The following DMXL2 variants were observed in gnomAD, a reference collection of about 807,000 sequenced individuals.
DMXL2 encodes the protein dmX-like protein 2.
DMXL2 carries 103 observed loss-of-function variants against 331.1 expected under a neutral mutation model. The ratio of observed to expected loss-of-function variants is 0.31; its 90% CI spans 0.27 to 0.37. DMXL2 has a LOEUF of 0.37. Ranked by LOEUF, DMXL2 falls within the 10% of genes least tolerant of loss-of-function variation. The pLI is 1.00. For synonymous variants in DMXL2, 1,281 were observed against 1,252.1 expected (o/e 1.02, Z -0.49); for missense variants, 3,171 against 3,642.9 (o/e 0.87, Z 3.33).
chr15:51,490,802 C>T (rs1411872316), intron 20 of DMXL2, among the ~76,000 whole-genome samples: 2 of 152,128 alleles, frequency 1.3e-5, no homozygotes, highest in Admixed American at 6.5e-5. Context: ...ATTTCACTTG[C>T]TGCCACAGAT....
chr15:51,503,037 T>C lies in DMXL2; in HGVS notation c.2765-4A>G. 6.3e-7 allele frequency: 1 copy of C among 1,575,078 alleles called. No individual in the cohort carries two copies. Among genetic ancestry groups the C allele is most frequent in the Non-Finnish European group, 8.7e-7 (1 of 1,153,790 alleles). On this transcript the variant is annotated splice_polypyrimidine_tract_variant and splice_region_variant and intron_variant, in intron 16 of 43. Coordinates refer to ENST00000560891, the MANE Select transcript of DMXL2 (RefSeq NM_001378457.1). ...GAAGCCCCTTCTGAAGCTTTAGCTT[T>C]AAAAATAAATTATAAAATTACAAAA...
At chr15:51,587,348 G>T (rs2051927154) in intron 1 of DMXL2, among the ~76,000 whole-genome samples, 1 of 151,768 alleles carries the variant, frequency 6.6e-6, no homozygotes, top group Non-Finnish European at 1.5e-5. Flanking sequence ...GTCCCGGTAT[G>T]TGATGTTCTC....
intron 6 of DMXL2, among the ~76,000 whole-genome samples, chr15:51,556,778 A>G (rs1034868490): frequency 6.6e-6 from 1 of 152,216 alleles, no homozygotes; most frequent in African/African-American, 2.4e-5. Context: ...TCTCCAAAAA[A>G]AAAAGATAAA....
At chr15:51,467,750 G>A (rs1296197405) in intron 29 of DMXL2, among the ~76,000 whole-genome samples, 16 of 145,054 alleles carry the variant, frequency 1.1e-4, no homozygotes, top group South Asian at 2.2e-4. Flanking sequence ...TTTTTGAGAC[G>A]GAGTCTCACT....
chr15:51,595,407 C>T (rs1017150403), intron 1 of DMXL2, among the ~76,000 whole-genome samples: 23 of 152,162 alleles, frequency 1.5e-4, no homozygotes, highest in African/African-American at 5.5e-4. Context: ...AACCACTGCT[C>T]AATGAAATAA....
rs986447332 is a variant in DMXL2, at chr15:51,494,677, A to G, written c.4783+347T>C. Among the ~76,000 whole-genome samples, 3 of 152,176 alleles carry G rather than the reference A, an allele frequency of 2.0e-5. No individual in the cohort carries two copies. The East Asian group carries it at 5.8e-4, about 29-fold the overall frequency. Reference sequence around the variant, plus strand: ...TAAAGTAAATATAAAAACACATCGCAGAGCAAAGTTTACATAATTTTTCAA... The same window carrying G: ...TAAAGTAAATATAAAAACACATCGCGGAGCAAAGTTTACATAATTTTTCAA... On this transcript the variant is annotated intron_variant, in intron 19 of 43. Transcript: ENST00000560891.
chr15:51,537,264 A>C (rs932519923), intron 11 of DMXL2, among the ~76,000 whole-genome samples: 4 of 152,194 alleles, frequency 2.6e-5, no homozygotes, highest in Admixed American at 2.0e-4. Context: ...ATATATTTAA[A>C]TATTCAGTAC....
intron 20 of DMXL2, 145 bp from the exon 21 acceptor site, chr15:51,488,790 G>C (rs945067603): frequency 6.5e-6 from 4 of 612,710 alleles, no homozygotes; most frequent in Non-Finnish European, 1.1e-5. Context: ...ATCTCCAGTA[G>C]GTTATAATAT....
At chr15:51,455,299 G>T in intron 39 of DMXL2, 71 bp from the exon 40 acceptor site, 3 of 1,212,232 alleles carry the variant, frequency 2.5e-6, no homozygotes, top group Non-Finnish European at 2.4e-6. Context: ...ATGGAAGGAA[G>T]ATTCACTAAG....
At chr15:51,501,885 A>G (rs12592179) in intron 17 of DMXL2, among the ~76,000 whole-genome samples, 65,013 of 147,498 alleles carry the variant, frequency 0.44, 14,804 homozygotes, top group Non-Finnish European at 0.5. Context: ...GCACCACTGC[A>G]CTCCAGCCTG....
At chr15:51,588,364 G>T (rs1160262537) in intron 1 of DMXL2, among the ~76,000 whole-genome samples, 1 of 152,022 alleles carries the variant, frequency 6.6e-6, no homozygotes, top group East Asian at 1.9e-4. Context: ...TCACCATGTT[G>T]TCCAGGCTAG....
At chr15:51,554,034 A>G (rs1231000622) in intron 6 of DMXL2, among the ~76,000 whole-genome samples, 2 of 152,232 alleles carry the variant, frequency 1.3e-5, no homozygotes, top group Non-Finnish European at 2.9e-5. Flanking sequence ...CCTATCCATG[A>G]TCATAGTGCC....
At chr15:51,510,009 C>T (rs1046790711) in intron 15 of DMXL2, among the ~76,000 whole-genome samples, 8 of 152,100 alleles carry the variant, frequency 5.3e-5, no homozygotes, top group African/African-American at 1.9e-4. Context: ...TTCAACAGCC[C>T]CTCATGCTAA....
At chr15:51,474,278 A>T in intron 28 of DMXL2, 66 bp downstream of exon 28, 3 of 1,463,318 alleles carry the variant, frequency 2.1e-6, no homozygotes, top group East Asian at 4.6e-5. Flanking sequence ...TTGAAACATT[A>T]AAAAAAATTT....
chr15:51,614,828 C>G (rs1023687866), intron 1 of DMXL2, among the ~76,000 whole-genome samples: 3 of 152,042 alleles, frequency 2.0e-5, no homozygotes, highest in East Asian at 3.9e-4. Context: ...AAGGGGCTAA[C>G]AAGATTTTAT....
chr15:51,555,651 T>C (rs576488902), intron 6 of DMXL2, among the ~76,000 whole-genome samples: 187 of 152,124 alleles, frequency 1.2e-3, no homozygotes, highest in African/African-American at 4.1e-3. Context: ...AAGGCATAAA[T>C]AATATCAAAA....
chr15:51,529,894 A>G (rs1386319548), intron 13 of DMXL2, among the ~76,000 whole-genome samples: 1 of 152,222 alleles, frequency 6.6e-6, no homozygotes, highest in Non-Finnish European at 1.5e-5. Flanking sequence ...ATATGATTAA[A>G]ATGATTAAAA....
chr15:51,478,402 A>G (rs746832269), intron 25 of DMXL2, 55 bp from the exon 26 acceptor site: 11 of 1,492,198 alleles, frequency 7.4e-6, no homozygotes, highest in Non-Finnish European at 1.0e-5. Flanking sequence ...ACACAACAGT[A>G]ATATTTCAAA....
At position 51,498,786 on chromosome 15, in the gene DMXL2, C is replaced by G; in HGVS notation, c.4438G>C (p.Asp1480His). The change falls in exon 18 of 44, where the codon GAT (aspartate) becomes CAT (histidine). Residue 1480 changes from aspartate (D) to histidine (H), a missense_variant. By Grantham distance (81) the Asp-to-His change is moderately conservative. This residue lies in a region of DMXL2 where 1,674 missense variants were observed against 1,780.2 expected (regional missense o/e 0.94). Coordinates refer to ENST00000560891, the MANE Select transcript of DMXL2 (RefSeq NM_001378457.1). ...TTTTCAGGCTCTAAATCAATATCAT[C>G]CGTTGGTATATCCTGGATTTGAAAC... is the stretch of plus-strand genomic sequence containing the variant. ...ELFQIQDIPT[D>H]DIDLEPEKRE... The G allele has an allele frequency of 6.2e-7, 1 of 1,614,110 alleles. No homozygotes were observed. Among genetic ancestry groups the G allele is most frequent in the Non-Finnish European group, 8.5e-7 (1 of 1,180,024 alleles).
Sources: allele counts gnomAD v4.1 joint callset (sites outside exome capture counted in the v4.1 genomes callset), GRCh38; gene constraint gnomAD v4.1.1; regional missense constraint gnomAD v4.1.1; transcripts MANE v1.5; gene names NCBI Gene and HGNC (gene_info 2026-07-23, HGNC 2026-07-21).